Variants in MFAP3 observed in about 807,000 individuals in gnomAD.
The protein encoded by MFAP3 is microfibril-associated glycoprotein 3.
Under a neutral mutation model 20.5 loss-of-function variants are expected in MFAP3, and 8 were observed. The ratio of observed to expected loss-of-function variants is 0.39; its 90% CI spans 0.23 to 0.70. The LOEUF (loss-of-function observed/expected upper bound fraction) is 0.70, where lower values mean the gene tolerates loss of function less well. Among genes scored for constraint, MFAP3 ranks in the 30% least tolerant of loss-of-function variants. The probability of loss-of-function intolerance (pLI) is 0.44; values close to 1 mark genes in which losing one functional copy is unlikely to be tolerated. For synonymous variants in MFAP3, 140 were observed against 154.0 expected (o/e 0.91, Z 0.67); for missense variants, 398 against 444.6 (o/e 0.90, Z 0.94).
At chr5:154,045,126 C>G (rs1158656626) in intron 1 of MFAP3, among the ~76,000 whole-genome samples, 1 of 152,028 alleles carries the variant, frequency 6.6e-6, no homozygotes, top group African/African-American at 2.4e-5. Flanking sequence ...TGCCTCAGCC[C>G]CCACATGCCT....
chr5:154,049,841 A>C lies in MFAP3; in HGVS notation c.119A>C (p.Tyr40Ser), dbSNP rs543568426. ...MVSLEANRSSYNASFPSSFEL... is the reference protein window; with the variant it reads ...MVSLEANRSSSNASFPSSFEL... ...TCACTGGAAGCAAATCGTAGTTCTT[A>C]CAATGCATCCTTTCCCTCAAGCTTT... The change falls in exon 2 of 3, where the codon TAC becomes TCC. Residue 40 changes from tyrosine to serine, a missense_variant. Physicochemically the swap from Tyr to Ser is moderately radical, Grantham distance 144. Transcript: ENST00000522782. 3.1e-6 allele frequency: 5 copies of C among 1,613,626 alleles called. No homozygotes were observed. In the African/African-American group the frequency reaches 6.7e-5, roughly 22 times the overall value.
rs765506224 is a variant in MFAP3 at position 154,049,932 on chromosome 5, A to G, written c.210A>G (p.Ser70=). The G allele has an allele frequency of 1.9e-6, 3 of 1,613,652 alleles. No homozygotes were observed. Among genetic ancestry groups the G allele is most frequent in the South Asian group, 1.1e-5 (1 of 91,072 alleles). The change falls in exon 2 of 3, where the codon TCA becomes TCG. Residue 70 remains serine (S), a synonymous_variant. Transcript: ENST00000522782. ...TAGCCAAAGAGGGAACTAGCGTTTC[A>G]ATTGAGTGTCTTCTCACAGCCAGTC... ...VIIAKEGTSV[S]IECLLTASHY...
intron 1 of MFAP3, among the ~76,000 whole-genome samples, chr5:154,043,415 G>C (rs942820786): frequency 1.3e-5 from 2 of 151,994 alleles, no homozygotes; most frequent in African/African-American, 4.8e-5. Flanking sequence ...GCCAGGCGTG[G>C]TGGTGCATGC....
Position 154,053,122 on chromosome 5 carries a change from T to G in MFAP3, c.498T>G (p.Asn166Lys). 19 of 1,613,916 alleles carry G rather than the reference T, an allele frequency of 1.2e-5. No individual in the cohort carries two copies. Among genetic ancestry groups the G allele is most frequent in the Non-Finnish European group, 1.6e-5 (19 of 1,179,890 alleles). ...LIAFTITLIL[N>K]VTRLCMMSSH... ...CCTTTACAATCACACTCATCTTGAA[T>G]GTCACACGGCTGTGCATGATGAGCA... is the stretch of plus-strand genomic sequence containing the variant. The change falls in exon 3 of 3, where the codon AAT (asparagine) becomes AAG (lysine). Residue 166 changes from asparagine (N) to lysine (K), a missense_variant. Asn to Lys is a moderately conservative substitution (Grantham distance 94). Transcript: ENST00000522782.
At chr5:154,046,920 A>G (rs1773082082) in intron 1 of MFAP3, among the ~76,000 whole-genome samples, 1 of 152,058 alleles carries the variant, frequency 6.6e-6, no homozygotes, top group African/African-American at 2.4e-5. Flanking sequence ...CACTCACTTC[A>G]GCCACTGCAG....
chr5:154,052,624 A>G (rs1378440621), intron 2 of MFAP3, among the ~76,000 whole-genome samples: 2 of 152,186 alleles, frequency 1.3e-5, no homozygotes, highest in African/African-American at 2.4e-5. Flanking sequence ...TTAGCATTTT[A>G]TAGACATACC....
Position 154,039,678 on chromosome 5 carries a change from A to G in MFAP3, c.-167+667A>G, listed in dbSNP as rs377262012. ...GATTACTCCTGGGACCTCATCAGAA[A>G]GATGCAACTCTTCTGTTGCCCTCGA... On this transcript the variant is annotated intron_variant, in intron 1 of 2. Transcript: ENST00000522782. 2.0e-5 allele frequency among the ~76,000 whole-genome samples: 3 copies of G among 152,324 alleles called. No individual in the cohort carries two copies. The East Asian group carries it at 5.8e-4, about 29-fold the overall frequency.
Position 154,056,566 on chromosome 5 carries a change from A to G in MFAP3, c.*2853A>G, listed in dbSNP as rs1476169837. ...AGTTAGTGGAAAATGCCTTTACAAA[A>G]TGTATTTAAAATAGCTGTCATCTCA... is the stretch of plus-strand genomic sequence containing the variant. On this transcript the variant is annotated 3_prime_UTR_variant, in exon 3 of 3. Coordinates refer to ENST00000522782, the MANE Select transcript of MFAP3 (RefSeq NM_005927.5). 1.3e-5 allele frequency among the ~76,000 whole-genome samples: 2 copies of G among 152,202 alleles called. No individual in the cohort carries two copies. Among genetic ancestry groups the G allele is most frequent in the Non-Finnish European group, 2.9e-5 (2 of 68,034 alleles).
intron 2 of MFAP3, among the ~76,000 whole-genome samples, chr5:154,051,167 G>A (rs1773183386): frequency 6.6e-6 from 1 of 152,136 alleles, no homozygotes; most frequent in Non-Finnish European, 1.5e-5. Flanking sequence ...TACCTGGAAT[G>A]TGTACTTTGA....
In MFAP3 at chr5:154,050,008, A is replaced by AGAAG; in HGVS notation, c.287_290dup (p.Ser97ArgfsTer11). 6.2e-7 allele frequency: 1 copy of AGAAG among 1,604,032 alleles called. No homozygotes were observed. The highest frequency in any genetic ancestry group is 8.5e-7 in the Non-Finnish European group (1 of 1,172,038). The stretch of plus-strand genomic sequence containing the variant: ...TTCAAAAGGACAGCAACTGGATGGC[A>AGAAG]GAAGCAGAGGTAATTGGTCAGGGTA... On this transcript the variant is annotated frameshift_variant, in exon 2 of 3. Coordinates refer to ENST00000522782, the MANE Select transcript of MFAP3 (RefSeq NM_005927.5). LOFTEE classifies it high-confidence loss of function.
chr5:154,052,872 A>G (rs778813524), intron 2 of MFAP3, 48 bp from the exon 3 acceptor site: 3 of 1,496,206 alleles, frequency 2.0e-6, no homozygotes, highest in African/African-American at 1.5e-5. Context: ...GGGCATATTT[A>G]GTAATCTTTT....
intron 1 of MFAP3, among the ~76,000 whole-genome samples, chr5:154,043,563 C>CAT (rs1773010664): frequency 6.6e-6 from 1 of 151,888 alleles, no homozygotes. Context: ...CACACACACA[C>CAT]ACACAAAAAG....
At chr5:154,051,397 A>T (rs1773189715) in intron 2 of MFAP3, among the ~76,000 whole-genome samples, 1 of 152,226 alleles carries the variant, frequency 6.6e-6, no homozygotes, top group Non-Finnish European at 1.5e-5. Flanking sequence ...AACCACTAAC[A>T]TCTATCATTG....
chr5:154,052,523 T>C (rs114109789), intron 2 of MFAP3, among the ~76,000 whole-genome samples: 1,865 of 152,316 alleles, frequency 0.012, 32 homozygotes, highest in African/African-American at 0.042. Flanking sequence ...TTCTGAGACA[T>C]ACCCTCATAG....
chr5:154,048,664 T>A (rs1462466606), intron 1 of MFAP3, among the ~76,000 whole-genome samples: 1 of 152,182 alleles, frequency 6.6e-6, no homozygotes, highest in Non-Finnish European at 1.5e-5. Context: ...ACATAGACTT[T>A]TGGACTAGGA....
At chr5:154,048,001 G>T (rs1188661945) in intron 1 of MFAP3, among the ~76,000 whole-genome samples, 2 of 152,178 alleles carry the variant, frequency 1.3e-5, no homozygotes, top group Non-Finnish European at 2.9e-5. Flanking sequence ...CCCTAGCACA[G>T]TGCTTGGCTG....
chr5:154,048,169 A>G (rs1034357903), intron 1 of MFAP3, among the ~76,000 whole-genome samples: 1 of 152,160 alleles, frequency 6.6e-6, no homozygotes, highest in Non-Finnish European at 1.5e-5. Flanking sequence ...ATTACTTCCA[A>G]AATCCCCTCT....
rs1773281247 is a variant in MFAP3, at chr5:154,054,399, A to G, written c.*686A>G. 1 of 166,962 alleles carries G rather than the reference A, an allele frequency of 6.0e-6. No homozygotes were observed. The highest frequency in any genetic ancestry group is 1.5e-5 in the Non-Finnish European group (1 of 68,122). 10.3% of individuals were successfully genotyped at this position (166,962 alleles called of 1,614,324 possible). ...CAGAGAGCTAACTGCTCTGTAAACTACTTTCCATGAGTAAATTGGTCCTTG... is the reference window on the plus strand; with the variant it reads ...CAGAGAGCTAACTGCTCTGTAAACTGCTTTCCATGAGTAAATTGGTCCTTG... On this transcript the variant is annotated 3_prime_UTR_variant, in exon 3 of 3. Transcript: ENST00000522782.
At position 154,043,548 on chromosome 5, in the gene MFAP3, T is replaced by TCA. The variant is rs145579460; in HGVS notation, c.-167+4556_-167+4557dup. 2.7e-3 allele frequency among the ~76,000 whole-genome samples: 400 copies of TCA among 149,092 alleles called. 1 individual carries two copies. The highest frequency in any genetic ancestry group is 0.018 in the South Asian group (87 of 4,716). On this transcript the variant is annotated intron_variant, in intron 1 of 2. Transcript: ENST00000522782. ...CCTGGGCAACAAGAGCGAAACTCCGTCACACACACACACACACACAAAAAG... is the reference window on the plus strand; with the variant it reads ...CCTGGGCAACAAGAGCGAAACTCCGTCACACACACACACACACACACAAAAAG...
Sources: allele counts gnomAD v4.1 joint callset (sites outside exome capture counted in the v4.1 genomes callset), GRCh38; gene constraint gnomAD v4.1.1; transcripts MANE v1.5; gene names NCBI Gene and HGNC (gene_info 2026-07-23, HGNC 2026-07-21).